Variants in CAST observed in about 807,000 individuals in gnomAD.
CAST encodes MIR583 host.
CAST carries 76 observed loss-of-function variants against 119.6 expected under a neutral mutation model. The observed-to-expected ratio is 0.64, with a 90% CI of 0.53 to 0.77. The LOEUF (loss-of-function observed/expected upper bound fraction) is 0.77, where lower values mean the gene tolerates loss of function less well. CAST is among the 30% of genes least tolerant of loss of function. CAST has a pLI of 0.00. For missense variants in CAST, 953 were observed against 946.5 expected (o/e 1.01, Z -0.09); for synonymous variants, 319 against 331.6 (o/e 0.96, Z 0.41).
chr5:96,536,041 T>G (rs1429742125), intron 1 of CAST, among the ~76,000 whole-genome samples: 3 of 148,600 alleles, frequency 2.0e-5, no homozygotes, highest in Admixed American at 1.3e-4. Context: ...GTTTTTTTTT[T>G]TTTTTTTTTT....
At chr5:96,548,994 C>A (rs550984978) in intron 1 of CAST, among the ~76,000 whole-genome samples, 1 of 152,268 alleles carries the variant, frequency 6.6e-6, no homozygotes, top group East Asian at 1.9e-4. Context: ...CTACTGGCCA[C>A]TGCAAGAAAA....
At chr5:96,592,645 A>T (rs1746983958) in intron 1 of CAST, among the ~76,000 whole-genome samples, 1 of 152,156 alleles carries the variant, frequency 6.6e-6, no homozygotes, top group Non-Finnish European at 1.5e-5. Context: ...TTATTAAAGA[A>T]ACTCTTTGAG....
chr5:96,743,539 T>C (rs1763114844), intron 16 of CAST: 1 of 1,510,436 alleles, frequency 6.6e-7, no homozygotes, highest in South Asian at 1.3e-5. Flanking sequence ...CCATCTCTGC[T>C]GTCACTTCCT....
At chr5:96,683,893 A>G (rs1315220754) in intron 2 of CAST, among the ~76,000 whole-genome samples, 2 of 152,224 alleles carry the variant, frequency 1.3e-5, no homozygotes, top group African/African-American at 4.8e-5. Flanking sequence ...AAATTTAGAA[A>G]ATTTACAAAA....
At chr5:96,043,427 C>T in the CAST span, among the ~76,000 whole-genome samples, 20 of 152,204 alleles carry the variant, frequency 1.3e-4, no homozygotes, top group East Asian at 1.5e-3. Flanking sequence ...CAAGTGGTTT[C>T]GTTATTATAA....
At chr5:96,507,396 C>T in the CAST span, among the ~76,000 whole-genome samples, 2 of 152,248 alleles carry the variant, frequency 1.3e-5, no homozygotes, top group African/African-American at 4.8e-5. Flanking sequence ...AGCATCCAGT[C>T]GAATCTTACC....
At chr5:96,075,786 G>A in the CAST span, among the ~76,000 whole-genome samples, 4 of 152,142 alleles carry the variant, frequency 2.6e-5, no homozygotes, top group Admixed American at 6.6e-5. Context: ...GTGCCTGCAT[G>A]TTTATTTCAT....
chr5:96,358,231 A>G, the CAST span, among the ~76,000 whole-genome samples: 1 of 151,818 alleles, frequency 6.6e-6, no homozygotes, highest in Non-Finnish European at 1.5e-5. Context: ...TTTCTTCTTT[A>G]TTAATCTGGC....
chr5:96,180,530 C>T, the CAST span, among the ~76,000 whole-genome samples: 1 of 151,892 alleles, frequency 6.6e-6, no homozygotes, highest in African/African-American at 2.4e-5. Context: ...CCACAACAAT[C>T]ATATGAAAAC....
intron 1 of CAST, among the ~76,000 whole-genome samples, chr5:96,656,571 C>T (rs185538595): frequency 6.6e-5 from 10 of 152,266 alleles, no homozygotes; most frequent in East Asian, 3.9e-4. Context: ...CTTCACGTTA[C>T]GGTTTTTAGC....
the CAST span, among the ~76,000 whole-genome samples, chr5:96,105,224 T>C: frequency 6.6e-6 from 1 of 152,026 alleles, no homozygotes; most frequent in African/African-American, 2.4e-5. Context: ...GAATACCCTT[T>C]ATTTCCTTCT....
chr5:96,713,458 A>G (rs1275200748), intron 3 of CAST, among the ~76,000 whole-genome samples: 1 of 152,016 alleles, frequency 6.6e-6, no homozygotes, highest in East Asian at 1.9e-4. Flanking sequence ...TACCATAATC[A>G]TATCATCAAT....
chr5:96,572,316 T>A (rs1324098241), intron 1 of CAST, among the ~76,000 whole-genome samples: 1 of 152,108 alleles, frequency 6.6e-6, no homozygotes, highest in Non-Finnish European at 1.5e-5. Flanking sequence ...TTCTCCTACT[T>A]CAGCCTCCCG....
chr5:96,458,464 T>TA, the CAST span, among the ~76,000 whole-genome samples: 2 of 152,200 alleles, frequency 1.3e-5, no homozygotes, highest in Non-Finnish European at 2.9e-5. Context: ...GGTAAACACA[T>TA]AGTTGCCAAC....
chr5:95,972,342 C>A, the CAST span, among the ~76,000 whole-genome samples: 3 of 151,838 alleles, frequency 2.0e-5, no homozygotes, highest in African/African-American at 7.3e-5. Context: ...AGTGACTGTA[C>A]CATTTTGCAT....
the CAST span, among the ~76,000 whole-genome samples, chr5:96,327,779 C>G: frequency 6.6e-6 from 1 of 152,190 alleles, no homozygotes; most frequent in Admixed American, 6.5e-5. Flanking sequence ...ACAACTCACT[C>G]TAGGGATAAC....
the CAST span, among the ~76,000 whole-genome samples, chr5:96,396,557 G>A: frequency 8.3e-5 from 9 of 108,070 alleles, no homozygotes; most frequent in Admixed American, 3.0e-4. Flanking sequence ...GCAAGACTCC[G>A]TCTCAAAAAA....
At chr5:96,468,923 T>G in the CAST span, among the ~76,000 whole-genome samples, 14 of 152,114 alleles carry the variant, frequency 9.2e-5, no homozygotes, top group African/African-American at 3.1e-4. Flanking sequence ...TAGTTGCCTT[T>G]GAGCTTTAGT....
At chr5:96,456,956 TTCCCC>T in the CAST span, among the ~76,000 whole-genome samples, 2 of 152,238 alleles carry the variant, frequency 1.3e-5, no homozygotes, top group African/African-American at 2.4e-5. Context: ...ATGTGTTTGC[TTCCCC>T]TTCTGCCATG....
Sources: gnomAD v4.1 joint callset for allele counts (sites outside exome capture counted in the v4.1 genomes callset) on GRCh38, gnomAD v4.1.1 for gene constraint, MANE v1.5 for transcripts, NCBI Gene and HGNC (gene_info 2026-07-23, HGNC 2026-07-21) for gene names.